Variants in SRFBP1 observed in about 807,000 individuals in gnomAD.
SRFBP1 encodes serum response factor-binding protein 1.
Under a neutral mutation model 45.5 loss-of-function variants are expected in SRFBP1, and 47 were observed. The observed-to-expected ratio is 1.03, with a 90% CI of 0.82 to 1.32. The LOEUF (loss-of-function observed/expected upper bound fraction) is 1.32. Ranked by LOEUF, SRFBP1 falls within the 40% of genes most tolerant of loss-of-function variation. The pLI is 0.00. For missense variants in SRFBP1, 621 were observed against 484.6 expected (o/e 1.28, Z -2.64); for synonymous variants, 203 against 166.3 (o/e 1.22, Z -1.70).
At chr5:122,044,898 A>G (rs902021058) in intron 2 of SRFBP1, among the ~76,000 whole-genome samples, 4 of 152,054 alleles carry the variant, frequency 2.6e-5, no homozygotes, top group African/African-American at 9.7e-5. Flanking sequence ...TTTTCTTGCA[A>G]TTACTTTCAG....
At chr5:122,020,000 T>A in intron 5 of SRFBP1, 88 bp from the exon 6 acceptor site, 1 of 867,550 alleles carries the variant, frequency 1.2e-6, no homozygotes, top group South Asian at 2.5e-5. Flanking sequence ...TTAAATCTTT[T>A]CAAATAATTT....
At chr5:122,021,602 A>G (rs1753322650) in intron 6 of SRFBP1, among the ~76,000 whole-genome samples, 1 of 152,054 alleles carries the variant, frequency 6.6e-6, no homozygotes, top group Non-Finnish European at 1.5e-5. Flanking sequence ...ACTTGCCTCA[A>G]AAAGCTGCAC....
intron 3 of SRFBP1, among the ~76,000 whole-genome samples, chr5:121,983,007 CT>C (rs1752443404): frequency 6.6e-6 from 1 of 151,586 alleles, no homozygotes; most frequent in Non-Finnish European, 1.5e-5. Flanking sequence ...TAATTCCAGT[CT>C]GAAATAATAT....
At chr5:121,966,596 T>C (rs1249239562) in intron 1 of SRFBP1, among the ~76,000 whole-genome samples, 11 of 152,166 alleles carry the variant, frequency 7.2e-5, no homozygotes, top group Non-Finnish European at 1.2e-4. Context: ...TAGCATTTAG[T>C]GCGTAAATAA....
At chr5:122,033,996 G>T (rs938724073) in intron 2 of SRFBP1, among the ~76,000 whole-genome samples, 1 of 149,646 alleles carries the variant, frequency 6.7e-6, no homozygotes, top group African/African-American at 2.5e-5. Flanking sequence ...GCTAATTTTC[G>T]GGTTTTTAGT....
Position 122,027,930 on chromosome 5 carries a change from A to T in SRFBP1, c.*804A>T, listed in dbSNP as rs1013295638. 6.6e-6 allele frequency: 1 copy of T among 152,136 alleles called. No homozygotes were observed. Among genetic ancestry groups the T allele is most frequent in the Non-Finnish European group, 1.5e-5 (1 of 68,016 alleles). The allele number at this position is 152,136 out of a possible 1,614,324, so 9.4% of individuals were successfully genotyped here. On this transcript the variant is annotated 3_prime_UTR_variant, in exon 8 of 8. Coordinates refer to ENST00000339397, the MANE Select transcript of SRFBP1 (RefSeq NM_152546.3). ...AATATTTCCATTAAATCAAGAATGTATATTATCTAGTTTTTACTATACTTA... is the reference window on the plus strand; with the variant it reads ...AATATTTCCATTAAATCAAGAATGTTTATTATCTAGTTTTTACTATACTTA...
At chr5:122,075,475 C>G in exon 3 of SRFBP1, 1 of 1,613,564 alleles carries the variant, frequency 6.2e-7, no homozygotes, top group Non-Finnish European at 8.5e-7. Context: ...CTTGGTTTTT[C>G]ACTCTTTGGG....
intron 2 of SRFBP1, among the ~76,000 whole-genome samples, chr5:122,071,328 TAGTA>T (rs1754446231): frequency 6.6e-6 from 1 of 152,116 alleles, no homozygotes; most frequent in African/African-American, 2.4e-5. Flanking sequence ...GTATCCAGCC[TAGTA>T]AGTGGCTAAG....
chr5:121,967,859 A>G (rs541056327), intron 1 of SRFBP1, among the ~76,000 whole-genome samples: 1 of 152,218 alleles, frequency 6.6e-6, no homozygotes, highest in Non-Finnish European at 1.5e-5. Flanking sequence ...AAGAAACCCA[A>G]TAATTTTGTT....
intron 2 of SRFBP1, among the ~76,000 whole-genome samples, chr5:122,053,438 C>T (rs1039487547): frequency 2.0e-5 from 3 of 152,016 alleles, no homozygotes; most frequent in African/African-American, 7.2e-5. Context: ...TGGGGTGTTT[C>T]CCAGGACAAC....
chr5:122,078,290 T>C (rs1161093674), downstream of SRFBP1: 1 of 292,586 alleles, frequency 3.4e-6, no homozygotes, highest in Non-Finnish European at 6.2e-6. Flanking sequence ...GATTTTAAAC[T>C]TTCTGGCACG....
intron 2 of SRFBP1, among the ~76,000 whole-genome samples, chr5:122,055,042 AGCCTGTTCAGG>A (rs1410718376): frequency 1.3e-5 from 2 of 152,250 alleles, no homozygotes; most frequent in Non-Finnish European, 2.9e-5. Context: ...TTATTGTCTT[AGCCTGTTCAGG>A]CTGCTGTATC....
chr5:122,009,935 C>A lies in SRFBP1; in HGVS notation c.271-9325C>A, dbSNP rs1473062550. ...GAACATCCCATCCTGATCTGTTCAGCTTGTTCTATGCTTCTTTTCTGGCAC... is the reference window on the plus strand; with the variant it reads ...GAACATCCCATCCTGATCTGTTCAGATTGTTCTATGCTTCTTTTCTGGCAC... On this transcript the variant is annotated intron_variant, in intron 4 of 7. Transcript: ENST00000339397. Among the ~76,000 whole-genome samples the A allele has an allele frequency of 2.6e-5, 4 of 152,074 alleles. No individual in the cohort carries two copies. The East Asian group carries it at 7.7e-4, about 29-fold the overall frequency.
intron 2 of SRFBP1, among the ~76,000 whole-genome samples, chr5:122,045,174 G>T (rs1169683409): frequency 6.6e-6 from 1 of 152,098 alleles, no homozygotes; most frequent in Non-Finnish European, 1.5e-5. Flanking sequence ...TTGTACATTT[G>T]TGGCACTATT....
chr5:122,008,978 A>G (rs1032857426), intron 4 of SRFBP1, among the ~76,000 whole-genome samples: 11 of 152,224 alleles, frequency 7.2e-5, no homozygotes, highest in African/African-American at 2.7e-4. Flanking sequence ...TTATTCTATA[A>G]TAGTATCACA....
chr5:121,998,239 G>A (rs80192335), intron 4 of SRFBP1, among the ~76,000 whole-genome samples: 7 of 151,946 alleles, frequency 4.6e-5, no homozygotes, highest in African/African-American at 7.3e-5. Flanking sequence ...GGCGTTATTC[G>A]CAATAGCAAA....
chr5:121,964,553 A>G (rs1752022535), intron 1 of SRFBP1, among the ~76,000 whole-genome samples: 1 of 152,150 alleles, frequency 6.6e-6, no homozygotes, highest in Admixed American at 6.5e-5. Flanking sequence ...ATAGTATTCC[A>G]TGGTGTATAT....
Position 122,027,253 on chromosome 5 carries a change from T to G in SRFBP1, c.*127T>G, listed in dbSNP as rs538421146. 1.4e-6 allele frequency: 1 copy of G among 715,796 alleles called. No individual in the cohort carries two copies. Among genetic ancestry groups the G allele is most frequent in the African/African-American group, 1.8e-5 (1 of 55,036 alleles). 44.3% of individuals were successfully genotyped at this position (715,796 alleles called of 1,614,324 possible). On this transcript the variant is annotated 3_prime_UTR_variant, in exon 8 of 8. Transcript: ENST00000339397. ...ACAGCTCACTGCAGCCTCAAACTCCTGGGCTCAAGTGATCCTCCCACCTCT... is the reference window on the plus strand; with the variant it reads ...ACAGCTCACTGCAGCCTCAAACTCCGGGGCTCAAGTGATCCTCCCACCTCT...
chr5:122,066,484 T>C (rs1754301323), intron 2 of SRFBP1: 2 of 387,046 alleles, frequency 5.2e-6, no homozygotes, highest in Middle Eastern at 7.2e-4. Context: ...GAGTCAAATA[T>C]GTAATTACAG....
Sources: allele counts gnomAD v4.1 joint callset (sites outside exome capture counted in the v4.1 genomes callset), GRCh38; gene constraint gnomAD v4.1.1; transcripts MANE v1.5; gene names NCBI Gene and HGNC (gene_info 2026-07-23, HGNC 2026-07-21).